DIXDC1: variants seen among roughly 807,000 people sequenced by gnomAD.
DIXDC1 encodes the protein DIX domain containing 1.
DIXDC1 carries 64 observed loss-of-function variants against 103.1 expected under a neutral mutation model. The observed-to-expected ratio is 0.62, with a 90% CI of 0.51 to 0.76. The LOEUF (loss-of-function observed/expected upper bound fraction) is 0.76. DIXDC1 is among the 30% of genes least tolerant of loss of function. The pLI, the probability that DIXDC1 is intolerant of heterozygous loss-of-function variation, is 0.00. For synonymous variants in DIXDC1, 266 were observed against 298.5 expected (o/e 0.89, Z 1.12); for missense variants, 759 against 834.2 (o/e 0.91, Z 1.11).
chr11:111,974,408 G>T, intron 4 of DIXDC1, 154 bp downstream of exon 4: 1 of 677,186 alleles, frequency 1.5e-6, no homozygotes. Context: ...ACTCTCAAAA[G>T]AGAAAAGCCT....
chr11:111,952,151 C>G (rs1216083295), intron 1 of DIXDC1, among the ~76,000 whole-genome samples: 1 of 152,212 alleles, frequency 6.6e-6, no homozygotes, highest in African/African-American at 2.4e-5. Context: ...TAGGCATGAG[C>G]CACCATGCCC....
rs1860153845 is a variant in DIXDC1 at position 111,977,587 on chromosome 11, C to T, written c.656+2604C>T. 1.3e-6 allele frequency: 2 copies of T among 1,504,204 alleles called. No individual in the cohort carries two copies. Among genetic ancestry groups the T allele is most frequent in the Non-Finnish European group, 1.8e-6 (2 of 1,125,712 alleles). 93.2% of individuals were successfully genotyped at this position (1,504,204 alleles called of 1,614,324 possible). On this transcript the variant is annotated intron_variant, in intron 5 of 19. Transcript: ENST00000440460. The surrounding 1 kb of genome is among the most constrained non-coding windows in gnomAD (Gnocchi z 6.1). Reference sequence around the variant, plus strand: ...CCAGTCGCTGGGGCCGAGACGCCGCCGCCGCCGCCGTTCCCGCTTTCTCCC... The same window carrying T: ...CCAGTCGCTGGGGCCGAGACGCCGCTGCCGCCGCCGTTCCCGCTTTCTCCC...
chr11:112,003,490 T>C (rs1031769698), intron 17 of DIXDC1, among the ~76,000 whole-genome samples: 3 of 151,394 alleles, frequency 2.0e-5, no homozygotes, highest in Admixed American at 6.6e-5. Context: ...AATTGGGATG[T>C]TTTAACGTAA....
Position 112,020,535 on chromosome 11 carries a change from G to A in DIXDC1, c.*1499G>A, listed in dbSNP as rs912905611. 6.6e-6 allele frequency: 1 copy of A among 152,288 alleles called. No homozygotes were observed. The highest frequency in any genetic ancestry group is 1.5e-5 in the Non-Finnish European group (1 of 68,032). 9.4% of individuals were successfully genotyped at this position (152,288 alleles called of 1,614,324 possible). A position where few individuals can be genotyped will look rare whatever the true frequency, so the allele number is the denominator to read the frequency against. On this transcript the variant is annotated 3_prime_UTR_variant, in exon 20 of 20. Transcript: ENST00000440460. Reference sequence around the variant, plus strand: ...GAGAACCATGTCTATTTTTATAACTGGAGTGTGAGTTCTGTATCTTCTCAC... The same window carrying A: ...GAGAACCATGTCTATTTTTATAACTAGAGTGTGAGTTCTGTATCTTCTCAC...
intron 1 of DIXDC1, among the ~76,000 whole-genome samples, chr11:111,927,764 C>A (rs1193241850): frequency 1.3e-5 from 2 of 151,936 alleles, no homozygotes; most frequent in African/African-American, 4.8e-5. Flanking sequence ...CGCCTGTAAT[C>A]CCAGCACTTT....
chr11:111,987,659 A>AT (rs1860539025), intron 9 of DIXDC1, among the ~76,000 whole-genome samples: 2 of 43,438 alleles, frequency 4.6e-5, no homozygotes, highest in African/African-American at 9.6e-5. Flanking sequence ...CATAGACATG[A>AT]ATTTTTTTTT....
intron 9 of DIXDC1, among the ~76,000 whole-genome samples, chr11:111,987,716 A>G (rs1002119312): frequency 6.7e-6 from 1 of 150,114 alleles, no homozygotes; most frequent in African/African-American, 2.5e-5. Flanking sequence ...CCGGAGTGCA[A>G]TGGTGCAGCC....
intron 17 of DIXDC1, among the ~76,000 whole-genome samples, chr11:112,010,139 C>T (rs1861369486): frequency 6.6e-6 from 1 of 152,176 alleles, no homozygotes; most frequent in Non-Finnish European, 1.5e-5. Context: ...GTGCAAAAAT[C>T]ACAAGCATTC....
At chr11:111,987,805 G>A (rs978074716) in intron 9 of DIXDC1, among the ~76,000 whole-genome samples, 12 of 151,080 alleles carry the variant, frequency 7.9e-5, no homozygotes, top group Non-Finnish European at 1.5e-4. Flanking sequence ...GACTACAGGC[G>A]CCCGCCACCA....
chr11:111,981,056 A>T (rs1860287597), intron 6 of DIXDC1, among the ~76,000 whole-genome samples: 2 of 152,216 alleles, frequency 1.3e-5, no homozygotes. Flanking sequence ...AGCTGTCAAA[A>T]ATCTTGCAGC....
chr11:111,984,036 A>G (rs1332069661), intron 7 of DIXDC1, among the ~76,000 whole-genome samples: 1 of 152,156 alleles, frequency 6.6e-6, no homozygotes, highest in African/African-American at 2.4e-5. Flanking sequence ...CTTCTTATAT[A>G]TGTCTGTACC....
chr11:111,960,251 C>A (rs1461439133), intron 1 of DIXDC1, among the ~76,000 whole-genome samples: 1 of 151,434 alleles, frequency 6.6e-6, no homozygotes, highest in African/African-American at 2.4e-5. Context: ...GTCTTCATTA[C>A]GTCTAGGGAG....
chr11:111,937,146 C>CGCGT (rs1966226607), upstream of DIXDC1: 3 of 724,214 alleles, frequency 4.1e-6, no homozygotes, highest in Non-Finnish European at 4.9e-6. Flanking sequence ...GGGGGGTGTG[C>CGCGT]GCGTGCGTGC....
chr11:112,002,138 C>T (rs1360797224), intron 17 of DIXDC1, among the ~76,000 whole-genome samples: 4 of 151,994 alleles, frequency 2.6e-5, no homozygotes, highest in Admixed American at 2.6e-4. Flanking sequence ...TTTGCACCCA[C>T]TTGCAGACAC....
intron 11 of DIXDC1, 62 bp downstream of exon 11, chr11:111,992,581 GAAGAACT>G: frequency 7.1e-7 from 1 of 1,401,610 alleles, no homozygotes; most frequent in Non-Finnish European, 9.9e-7. Flanking sequence ...GCTACTGCAC[GAAGAACT>G]ATTAGACTGG....
chr11:111,984,302 T>G (rs1860417906), intron 7 of DIXDC1, among the ~76,000 whole-genome samples: 1 of 152,142 alleles, frequency 6.6e-6, no homozygotes, highest in African/African-American at 2.4e-5. Flanking sequence ...CCCCAGCACT[T>G]TGGGAGGCTG....
intron 3 of DIXDC1, 142 bp downstream of exon 3, chr11:111,968,780 T>G (rs1342913179): frequency 1.2e-5 from 13 of 1,119,912 alleles, no homozygotes; most frequent in Middle Eastern, 6.6e-4. Flanking sequence ...TATTTCATGA[T>G]TATTATTTTT....
In DIXDC1 at chr11:112,018,938, TTTTG is replaced by T. The variant is rs587640033; in HGVS notation, c.1972-14_1972-11del. On this transcript the variant is annotated splice_polypyrimidine_tract_variant and intron_variant, in intron 19 of 19. Transcript: ENST00000440460. ...GATTCCCTGTTTTTTCACTGTGGCT[TTTTG>T]TTTTTTTCTCTAGATTTTCCATGAT... The T allele has an allele frequency of 5.6e-4, 895 of 1,609,766 alleles. 5 individuals carry two copies. The African/African-American group carries it at 0.01, about 18-fold the overall frequency.
rs930647209 is a variant in DIXDC1 at position 111,974,908 on chromosome 11, C to T, written c.581C>T (p.Pro194Leu). Residue 194 changes from proline to leucine, a missense_variant, in exon 5 of 20, where the codon CCA becomes CTA. Transcript: ENST00000440460. ...NSSMDEEIEN[P>L]YWSVRALVQQ... ...AGCATGGATGAGGAAATTGAGAATCCATACTGGAGTGTGCGGGCCCTAGTG... is the reference window on the plus strand; with the variant it reads ...AGCATGGATGAGGAAATTGAGAATCTATACTGGAGTGTGCGGGCCCTAGTG... The T allele has an allele frequency of 9.3e-6, 15 of 1,613,586 alleles. No individual in the cohort carries two copies. The highest frequency in any genetic ancestry group is 1.7e-5 in the Admixed American group (1 of 59,978).
Sources: gnomAD v4.1 joint callset for allele counts (sites outside exome capture counted in the v4.1 genomes callset) on GRCh38, gnomAD v4.1.1 for gene constraint, Gnocchi (gnomAD v3.1) non-coding constraint, MANE v1.5 for transcripts, NCBI Gene and HGNC (gene_info 2026-07-23, HGNC 2026-07-21) for gene names.